Variants in SLC39A8 observed in about 807,000 individuals in gnomAD.
SLC39A8 encodes solute carrier family 39 member 8, also known as metal cation symporter ZIP8.
SLC39A8 carries 15 observed loss-of-function variants against 40.4 expected under a neutral mutation model. The ratio of observed to expected loss-of-function variants is 0.37; its 90% CI spans 0.25 to 0.57. SLC39A8 has a LOEUF of 0.57. SLC39A8 is among the 20% of genes least tolerant of loss of function. SLC39A8 has a pLI of 0.75. For synonymous variants in SLC39A8, 223 were observed against 221.6 expected (o/e 1.01, Z -0.06); for missense variants, 472 against 558.8 (o/e 0.84, Z 1.57).
intron 6 of SLC39A8, among the ~76,000 whole-genome samples, chr4:102,292,065 G>T (rs1333619163): frequency 6.6e-6 from 1 of 151,806 alleles, no homozygotes; most frequent in Non-Finnish European, 1.5e-5. Flanking sequence ...GAGAGATGTT[G>T]GTCAAAAGGG....
intron 11 of SLC39A8, among the ~76,000 whole-genome samples, chr4:102,254,416 AT>A (rs1731664382): frequency 6.6e-6 from 1 of 152,186 alleles, no homozygotes; most frequent in African/African-American, 2.4e-5. Flanking sequence ...TTTTTTCCTT[AT>A]TCTCTACCAT....
intron 6 of SLC39A8, among the ~76,000 whole-genome samples, chr4:102,271,053 T>C (rs1732342054): frequency 6.7e-6 from 1 of 150,004 alleles, no homozygotes; most frequent in African/African-American, 2.5e-5. Context: ...AAGACAAGTA[T>C]AAGGAGGATG....
chr4:102,317,493 T>C (rs547204535), intron 2 of SLC39A8, among the ~76,000 whole-genome samples: 1 of 152,290 alleles, frequency 6.6e-6, no homozygotes, highest in South Asian at 2.1e-4. Flanking sequence ...TAGCTCAGAA[T>C]GATGTATAAT....
chr4:102,299,280 G>GT (rs1024902592), intron 6 of SLC39A8, among the ~76,000 whole-genome samples: 13 of 148,676 alleles, frequency 8.7e-5, no homozygotes, highest in East Asian at 6.0e-4. Flanking sequence ...CTTCCAGTCA[G>GT]TTTTTTTTGT....
intron 6 of SLC39A8, among the ~76,000 whole-genome samples, chr4:102,271,086 T>A (rs9992479): frequency 0.45 from 67,502 of 150,236 alleles, 15,144 homozygotes; most frequent in Middle Eastern, 0.52. Context: ...AGGAAGAGGA[T>A]GAAGAGAAGG....
intron 2 of SLC39A8, among the ~76,000 whole-genome samples, chr4:102,338,983 A>G (rs2149056464): frequency 6.6e-6 from 1 of 152,328 alleles, no homozygotes; most frequent in South Asian, 2.1e-4. Flanking sequence ...TAAAGATGTG[A>G]TTTTGGGAGT....
intron 6 of SLC39A8, among the ~76,000 whole-genome samples, chr4:102,276,995 A>C (rs1732647051): frequency 6.6e-6 from 1 of 152,198 alleles, no homozygotes; most frequent in Non-Finnish European, 1.5e-5. Context: ...ATCTCACAAT[A>C]ATAAGAACTA....
intron 6 of SLC39A8, among the ~76,000 whole-genome samples, chr4:102,268,649 G>A (rs1560527514): frequency 6.6e-6 from 1 of 152,164 alleles, no homozygotes; most frequent in Non-Finnish European, 1.5e-5. Context: ...TTTCCATTCT[G>A]TTCCAGGTAC....
intron 11 of SLC39A8, among the ~76,000 whole-genome samples, chr4:102,254,018 G>T (rs1415231501): frequency 1.3e-5 from 2 of 152,150 alleles, no homozygotes; most frequent in Non-Finnish European, 2.9e-5. Context: ...TCCAGCTCAA[G>T]TTAAACCACA....
chr4:102,272,594 A>G lies in SLC39A8; in HGVS notation c.841-4515T>C, dbSNP rs536602078. On this transcript the variant is annotated intron_variant, in intron 6 of 8. Coordinates refer to ENST00000356736, the MANE Select transcript of SLC39A8 (RefSeq NM_001135146.2). Reference sequence around the variant, plus strand: ...TTAGACCTTGTCTCTAAATAAATAAACAGATAAATAAAGTAATCTATCTTA... The same window carrying G: ...TTAGACCTTGTCTCTAAATAAATAAGCAGATAAATAAAGTAATCTATCTTA... Among the ~76,000 whole-genome samples the G allele has an allele frequency of 2.0e-5, 3 of 152,268 alleles. No homozygotes were observed. In the East Asian group the frequency reaches 5.8e-4, roughly 29 times the overall value.
Position 102,263,142 on chromosome 4 carries a change from C to A in SLC39A8, c.1285G>T (p.Asp429Tyr), listed in dbSNP as rs780090155. 1.4e-5 allele frequency: 23 copies of A among 1,613,740 alleles called. No individual in the cohort carries two copies. The highest frequency in any genetic ancestry group is 1.9e-5 in the Non-Finnish European group (23 of 1,179,762). ...LREKVTGRKT[D>Y]FTFFMIQNAG... is the part of the protein sequence containing the mutation. ...TTCTGAATCATGAAGAAGGTGAAAT[C>A]GGTTTTTCTTCCAGTTACCTTTTCT... The change falls in exon 9 of 9, where the codon GAT (aspartate) becomes TAT (tyrosine). Residue 429 changes from aspartate to tyrosine, a missense_variant. Asp to Tyr is a radical substitution (Grantham distance 160, BLOSUM62 -3). Coordinates refer to ENST00000356736, the MANE Select transcript of SLC39A8 (RefSeq NM_001135146.2).
At chr4:102,261,630 A>C, downstream of SLC39A8, 2 of 882,136 alleles carry the variant, frequency 2.3e-6, no homozygotes, top group Non-Finnish European at 2.7e-6. Context: ...TAGTCACTCA[A>C]CAGGACAAAT....
At chr4:102,297,530 T>A (rs1238962214) in intron 6 of SLC39A8, among the ~76,000 whole-genome samples, 1 of 151,948 alleles carries the variant, frequency 6.6e-6, no homozygotes, top group African/African-American at 2.4e-5. Flanking sequence ...TGAGAAAACT[T>A]GGGAGTAGCA....
intron 6 of SLC39A8, among the ~76,000 whole-genome samples, chr4:102,269,183 A>G (rs1251173569): frequency 6.6e-6 from 1 of 152,158 alleles, no homozygotes; most frequent in Non-Finnish European, 1.5e-5. Context: ...CATGCAATAT[A>G]TATCCAACAG....
Position 102,345,386 on chromosome 4 carries a change from C to T in SLC39A8, c.-295G>A, listed in dbSNP as rs1313323172. ...TTTGTCTGTCTCTGCGTCTTTCTCT[C>T]TGCGTGTCAACGTAAGACTCGGTCT... On this transcript the variant is annotated 5_prime_UTR_variant, in exon 1 of 9. Coordinates refer to ENST00000356736, the MANE Select transcript of SLC39A8 (RefSeq NM_001135146.2). 1.3e-5 allele frequency: 2 copies of T among 152,596 alleles called. No individual in the cohort carries two copies. Among genetic ancestry groups the T allele is most frequent in the African/African-American group, 4.8e-5 (2 of 41,458 alleles). The allele number at this position is 152,596 out of a possible 1,614,324, so 9.5% of individuals were successfully genotyped here.
chr4:102,339,765 T>G (rs1424994450), intron 2 of SLC39A8, among the ~76,000 whole-genome samples: 1 of 152,128 alleles, frequency 6.6e-6, no homozygotes, highest in African/African-American at 2.4e-5. Flanking sequence ...GGTCCTTACA[T>G]CTCATGAAAT....
At chr4:102,315,108 G>A (rs72692251) in intron 3 of SLC39A8, among the ~76,000 whole-genome samples, 10,663 of 152,102 alleles carry the variant, frequency 0.07, 612 homozygotes, top group Non-Finnish European at 0.097. Flanking sequence ...TTTTATTATG[G>A]TTTAAAATTT....
chr4:102,323,706 G>T (rs1025767248), intron 2 of SLC39A8, among the ~76,000 whole-genome samples: 9 of 152,154 alleles, frequency 5.9e-5, no homozygotes, highest in Non-Finnish European at 8.8e-5. Flanking sequence ...TGTCTAGAAA[G>T]GTAAATTTCT....
intron 2 of SLC39A8, among the ~76,000 whole-genome samples, chr4:102,335,230 C>A (rs939778972): frequency 2.0e-5 from 3 of 152,170 alleles, no homozygotes; most frequent in Admixed American, 1.3e-4. Context: ...CATCTCTTAA[C>A]ATAAGGGACT....
Sources: gnomAD v4.1 joint callset for allele counts (sites outside exome capture counted in the v4.1 genomes callset) on GRCh38, gnomAD v4.1.1 for gene constraint, MANE v1.5 for transcripts, NCBI Gene and HGNC (gene_info 2026-07-23, HGNC 2026-07-21) for gene names.